Variants in ZNF525 observed in about 807,000 individuals in gnomAD.
The protein encoded by ZNF525 is zinc finger protein 525.
ZNF525 carries 33 observed loss-of-function variants against 37.6 expected under a neutral mutation model. That is an observed-to-expected ratio of 0.88 (90% confidence interval 0.67 to 1.17). ZNF525 has a LOEUF of 1.17. Ranked by LOEUF, ZNF525 falls within the 50% of genes most tolerant of loss-of-function variation. ZNF525 has a pLI of 0.00. For synonymous variants in ZNF525, 170 were observed against 182.3 expected (o/e 0.93, Z 0.54); for missense variants, 449 against 543.1 (o/e 0.83, Z 1.72).
chr19:53,382,728 C>T lies in ZNF525; in HGVS notation c.*709C>T. 1.3e-6 allele frequency: 1 copy of T among 792,098 alleles called. No individual in the cohort carries two copies. The highest frequency in any genetic ancestry group is 2.2e-6 in the Non-Finnish European group (1 of 453,664). The allele number at this position is 792,098 out of a possible 1,614,324, so 49.1% of individuals were successfully genotyped here. A position where few individuals can be genotyped will look rare whatever the true frequency, so the allele number is the denominator to read the frequency against. On this transcript the variant is annotated 3_prime_UTR_variant, in exon 4 of 4. Coordinates refer to ENST00000474037, the MANE Select transcript of ZNF525 (RefSeq NM_001348156.2). ...TGGAGAATCCATAATAAAGAGAGAC[C>T]TTACAAGTGTGATAAATGTGACAAA...
At position 53,381,002 on chromosome 19, in the gene ZNF525, A is replaced by G. The variant is rs955667008; in HGVS notation, c.423A>G (p.Gly141=). The part of the protein sequence containing the change: ...AGNKPIKYQL[G]SSFHSHLSEL... ...ACAAGCCTATTAAATATCAGCTTGG[A>G]TCAAGCTTTCATTCACATCTGTCTG... Residue 141 remains glycine (G), a synonymous_variant, in exon 4 of 4, where the codon GGA becomes GGG. Transcript: ENST00000474037. The G allele has an allele frequency of 6.3e-7, 1 of 1,587,788 alleles. No homozygotes were observed. The highest frequency in any genetic ancestry group is 8.7e-7 in the Non-Finnish European group (1 of 1,156,040).
In ZNF525 at chr19:53,382,192, T is replaced by C; in HGVS notation, c.*173T>C. ...GAAGCTTTCAGTTTCAAATCAAACC[T>C]TGAAAGACATAGGAGAATTCACACT... On this transcript the variant is annotated 3_prime_UTR_variant, in exon 4 of 4. Transcript: ENST00000474037. 6.3e-7 allele frequency: 1 copy of C among 1,593,376 alleles called. No individual in the cohort carries two copies. The highest frequency in any genetic ancestry group is 8.6e-7 in the Non-Finnish European group (1 of 1,161,706).
Position 53,383,515 on chromosome 19 carries a change from T to A in ZNF525, c.*1496T>A. The A allele has an allele frequency of 8.2e-7, 1 of 1,212,848 alleles. No individual in the cohort carries two copies. Among genetic ancestry groups the A allele is most frequent in the Non-Finnish European group, 1.2e-6 (1 of 858,218 alleles). 75.1% of individuals were successfully genotyped at this position (1,212,848 alleles called of 1,614,324 possible). On this transcript the variant is annotated 3_prime_UTR_variant, in exon 4 of 4. Coordinates refer to ENST00000474037, the MANE Select transcript of ZNF525 (RefSeq NM_001348156.2). ...GAGTTTTTGACAAGGCTTTCGGACG[T>A]GATTCACACCTGGCACAACATCCCA...
intron 3 of ZNF525, among the ~76,000 whole-genome samples, chr19:53,378,892 C>T (rs2085540240): frequency 6.6e-6 from 1 of 152,196 alleles, no homozygotes. Context: ...AGGGAGCCTG[C>T]ATCATCTTAT....
chr19:53,367,928 T>C lies in ZNF525; in HGVS notation c.-68+2169T>C, dbSNP rs149680377. On this transcript the variant is annotated intron_variant, in intron 1 of 3. Transcript: ENST00000474037. The stretch of plus-strand genomic sequence containing the variant: ...CGTGTAAATCGGGGTGCGATACCTT[T>C]ATGACTTATCTCGTGCCCAGGTAGC... Among the ~76,000 whole-genome samples the C allele has an allele frequency of 9.2e-3, 1,396 of 152,342 alleles. 9 individuals are homozygous for C. The highest frequency in any genetic ancestry group is 0.017 in the Middle Eastern group (5 of 294).
rs1002158547 is a variant in ZNF525 at position 53,385,696 on chromosome 19, A to T, written c.*3677A>T. 2 of 154,762 alleles carry T rather than the reference A, an allele frequency of 1.3e-5. No homozygotes were observed. Among genetic ancestry groups the T allele is most frequent in the African/African-American group, 4.8e-5 (2 of 41,458 alleles). 9.6% of individuals were successfully genotyped at this position (154,762 alleles called of 1,614,324 possible). A position where few individuals can be genotyped will look rare whatever the true frequency, so the allele number is the denominator to read the frequency against. ...AGAGAGATACTGTCTTAAAAAAAGA[A>T]TACTTGTGGTAACGTTTGGGTAGAG... On this transcript the variant is annotated 3_prime_UTR_variant, in exon 4 of 4. Transcript: ENST00000474037.
intron 1 of ZNF525, among the ~76,000 whole-genome samples, chr19:53,366,480 G>GC: frequency 6.7e-6 from 1 of 150,014 alleles, no homozygotes; most frequent in Admixed American, 6.7e-5. Context: ...AATGAGAAAG[G>GC]CCCATAACAG....
chr19:53,380,288 C>T (rs7249505), intron 3 of ZNF525, among the ~76,000 whole-genome samples: 37,580 of 151,750 alleles, frequency 0.25, 4,753 homozygotes, highest in South Asian at 0.37. Context: ...CTTCTCAGTG[C>T]TATGATTATT....
At position 53,386,428 on chromosome 19, in the gene ZNF525, G is replaced by A; in HGVS notation, c.*4409G>A. 2 of 767,086 alleles carry A rather than the reference G, an allele frequency of 2.6e-6. No homozygotes were observed. Among genetic ancestry groups the A allele is most frequent in the African/African-American group, 2.0e-5 (1 of 49,394 alleles). The allele number at this position is 767,086 out of a possible 1,614,324, so 47.5% of individuals were successfully genotyped here. ...GATGGCACACATATTTATGCTGTCTGAGCATCACAATCACGTTACCATATC... is the reference window on the plus strand; with the variant it reads ...GATGGCACACATATTTATGCTGTCTAAGCATCACAATCACGTTACCATATC... On this transcript the variant is annotated 3_prime_UTR_variant, in exon 4 of 4. Transcript: ENST00000474037.
chr19:53,378,318 G>A (rs1018200037), intron 3 of ZNF525, among the ~76,000 whole-genome samples: 3 of 152,128 alleles, frequency 2.0e-5, no homozygotes, highest in East Asian at 1.9e-4. Context: ...TTAGCTGGGC[G>A]TGGTGGCACA....
intron 1 of ZNF525, among the ~76,000 whole-genome samples, chr19:53,371,416 G>A (rs1373355266): frequency 6.6e-6 from 1 of 152,016 alleles, no homozygotes; most frequent in Non-Finnish European, 1.5e-5. Flanking sequence ...CTGTCACCCA[G>A]GCTGGAGTGC....
At chr19:53,370,149 G>C (rs991536531) in intron 1 of ZNF525, among the ~76,000 whole-genome samples, 2 of 151,040 alleles carry the variant, frequency 1.3e-5, no homozygotes, top group African/African-American at 4.9e-5. Flanking sequence ...AGCTGGGTGC[G>C]GTGGCCCACG....
chr19:53,373,074 T>G (rs547742074), intron 2 of ZNF525, among the ~76,000 whole-genome samples: 4 of 152,156 alleles, frequency 2.6e-5, no homozygotes, highest in Non-Finnish European at 4.4e-5. Context: ...ACAATTATTA[T>G]TATTATGATA....
Position 53,383,184 on chromosome 19 carries a change from A to G in ZNF525, c.*1165A>G, listed in dbSNP as rs1027519417. ...AATGAGTGTGGCAAGACCTACTCTC[A>G]CAATTCAGTCCTTGTAATTCATAAG... is the stretch of plus-strand genomic sequence containing the variant. On this transcript the variant is annotated 3_prime_UTR_variant, in exon 4 of 4. Coordinates refer to ENST00000474037, the MANE Select transcript of ZNF525 (RefSeq NM_001348156.2). 1.8e-5 allele frequency: 25 copies of G among 1,376,130 alleles called. No homozygotes were observed. In the Admixed American group the frequency reaches 4.4e-4, roughly 24 times the overall value. 85.2% of individuals were successfully genotyped at this position (1,376,130 alleles called of 1,614,324 possible).
intron 1 of ZNF525, among the ~76,000 whole-genome samples, chr19:53,371,198 CT>C (rs1243106422): frequency 0.01 from 1,247 of 123,554 alleles, 23 homozygotes; most frequent in African/African-American, 0.032. Context: ...ATCAGAAACG[CT>C]TTTTTTTTTT....
Position 53,381,628 on chromosome 19 carries a change from CT to C in ZNF525, c.1050del (p.Gly351GlufsTer25). ...SYLACHRSIH[T>X]GKKPYECEEC... is the part of the protein sequence containing the mutation. ...CTTGCATGCCATCGTAGCATTCATA[CT>C]GGAAAGAAACCTTACGAATGTGAAG... On this transcript the variant is annotated frameshift_variant, in exon 4 of 4. Transcript: ENST00000474037. LOFTEE classifies it high-confidence loss of function. 8.9e-7 allele frequency: 1 copy of C among 1,121,858 alleles called. No homozygotes were observed. The highest frequency in any genetic ancestry group is 1.4e-6 in the Non-Finnish European group (1 of 730,418). The allele number at this position is 1,121,858 out of a possible 1,614,324, so 69.5% of individuals were successfully genotyped here. A position where few individuals can be genotyped will look rare whatever the true frequency, so the allele number is the denominator to read the frequency against.
chr19:53,366,723 T>C (rs2085448928), intron 1 of ZNF525, among the ~76,000 whole-genome samples: 1 of 150,254 alleles, frequency 6.7e-6, no homozygotes, highest in Non-Finnish European at 1.5e-5. Context: ...AGAGTGGTGC[T>C]GGTGGCAAAG....
In ZNF525 at chr19:53,383,073, G is replaced by A; in HGVS notation, c.*1054G>A. The A allele has an allele frequency of 7.1e-7, 1 of 1,414,326 alleles. No homozygotes were observed. The highest frequency in any genetic ancestry group is 9.9e-7 in the Non-Finnish European group (1 of 1,010,856). The allele number at this position is 1,414,326 out of a possible 1,614,324, so 87.6% of individuals were successfully genotyped here. A position where few individuals can be genotyped will look rare whatever the true frequency, so the allele number is the denominator to read the frequency against. ...CATACTGGAGAGAACGCTTGCAAGT[G>A]TAATAAATGTGGCGAGGTTTTTAAT... On this transcript the variant is annotated 3_prime_UTR_variant, in exon 4 of 4. Coordinates refer to ENST00000474037, the MANE Select transcript of ZNF525 (RefSeq NM_001348156.2).
Position 53,384,779 on chromosome 19 carries a change from T to C in ZNF525, c.*2760T>C. The C allele has an allele frequency of 2.0e-6, 1 of 506,202 alleles. No homozygotes were observed. The highest frequency in any genetic ancestry group is 3.2e-5 in the East Asian group (1 of 30,830). 31.4% of individuals were successfully genotyped at this position (506,202 alleles called of 1,614,324 possible). On this transcript the variant is annotated 3_prime_UTR_variant, in exon 4 of 4. Coordinates refer to ENST00000474037, the MANE Select transcript of ZNF525 (RefSeq NM_001348156.2). ...TCTTTCTGATTTGGATGAGTTTGAT[T>C]TCTTTTGCTATTTAATTGCTCTGGC...
Sources: gnomAD v4.1 joint callset for allele counts (sites outside exome capture counted in the v4.1 genomes callset) on GRCh38, gnomAD v4.1.1 for gene constraint, MANE v1.5 for transcripts, NCBI Gene and HGNC (gene_info 2026-07-23, HGNC 2026-07-21) for gene names.